The following CP variants were observed in gnomAD, a reference collection of about 807,000 sequenced individuals.
CP encodes caeruloplasmin.
A neutral mutation model predicts 122.4 loss-of-function variants in CP; 64 were observed. That is an observed-to-expected ratio of 0.52 (90% CI 0.43 to 0.64). The LOEUF is 0.64. CP is among the 30% of genes least tolerant of loss of function. CP has a pLI of 0.00. For synonymous variants in CP, 440 were observed against 436.4 expected, an observed-to-expected ratio of 1.01 and a Z score of -0.10; for missense variants, 1,167 against 1,284.4, an observed-to-expected ratio of 0.91 and a Z score of 1.40.
chr3:149,178,061 TTAATG>T (rs2108215283), intron 16 of CP, 82 bp from the exon 17 acceptor site: 1 of 1,298,546 alleles, frequency 7.7e-7, no homozygotes, highest in African/African-American at 1.5e-5. Context: ...GATTATTAGG[TTAATG>T]TAAAGAATCT....
chr3:149,215,706 G>A (rs531738574), intron 1 of CP, among the ~76,000 whole-genome samples: 2 of 152,312 alleles, frequency 1.3e-5, no homozygotes, highest in Middle Eastern at 3.4e-3. Flanking sequence ...AAGCTTGCAG[G>A]AAGTTTGCCA....
chr3:149,164,914 A>G (rs1724257827), intron 5 of CP, among the ~76,000 whole-genome samples: 1 of 152,050 alleles, frequency 6.6e-6, no homozygotes, highest in Non-Finnish European at 1.5e-5. Flanking sequence ...CCTCATTTAC[A>G]CTATGGGAAC....
downstream of CP, among the ~76,000 whole-genome samples, chr3:149,167,662 A>C (rs1351983701): frequency 1.3e-5 from 2 of 152,256 alleles, no homozygotes; most frequent in Admixed American, 6.5e-5. Flanking sequence ...AGCCATGTAC[A>C]TATGTACAAT....
At chr3:149,205,647 C>T (rs576749630) in intron 6 of CP, among the ~76,000 whole-genome samples, 1 of 152,086 alleles carries the variant, frequency 6.6e-6, no homozygotes, top group South Asian at 2.1e-4. Flanking sequence ...CACAAAAGAA[C>T]CAATATTGTA....
chr3:149,169,916 G>A (rs1724806980), downstream of CP, among the ~76,000 whole-genome samples: 4 of 152,120 alleles, frequency 2.6e-5, no homozygotes, highest in South Asian at 8.3e-4. Flanking sequence ...GATTTTAAGG[G>A]TACAGGTTTA....
intron 7 of CP, among the ~76,000 whole-genome samples, chr3:149,200,791 T>G (rs1727252084): frequency 6.6e-6 from 1 of 152,046 alleles, no homozygotes; most frequent in African/African-American, 2.4e-5. Context: ...AATACAGGCA[T>G]GAGCCACCGC....
chr3:149,167,726 G>A (rs1052547877), downstream of CP, among the ~76,000 whole-genome samples: 2 of 152,118 alleles, frequency 1.3e-5, no homozygotes, highest in Non-Finnish European at 2.9e-5. Flanking sequence ...TTATAGTTAA[G>A]GCAGAAGACT....
intron 5 of CP, chr3:149,163,770 T>A (rs1724125545): frequency 2.4e-6 from 2 of 823,990 alleles, no homozygotes; most frequent in Non-Finnish European, 4.2e-6. Flanking sequence ...ATGATTGCTT[T>A]GCTCTTTGTG....
At chr3:149,165,483 A>T (rs1356907119) in intron 5 of CP, among the ~76,000 whole-genome samples, 2 of 119,980 alleles carry the variant, frequency 1.7e-5, no homozygotes, top group African/African-American at 6.3e-5. Context: ...AAACTTTTAT[A>T]ATTTTTTTTT....
chr3:149,208,375 A>G lies in CP; in HGVS notation c.782-758T>C, dbSNP rs560533894. 3.4e-4 allele frequency among the ~76,000 whole-genome samples: 52 copies of G among 152,204 alleles called. 1 individual carries two copies. The highest frequency in any genetic ancestry group is 6.3e-3 in the Middle Eastern group (2 of 316). ...GCTAGAATTTTGAGTATCTTTTTAT[A>G]ACAACTATTTTTGTTAGTACACAAC... On this transcript the variant is annotated intron_variant, in intron 4 of 18. Transcript: ENST00000264613.
chr3:149,210,628 T>C (rs896066432), intron 2 of CP, among the ~76,000 whole-genome samples: 3 of 152,212 alleles, frequency 2.0e-5, no homozygotes, highest in Non-Finnish European at 4.4e-5. Context: ...ACTTTTTGTT[T>C]GCAATGTAAA....
At chr3:149,197,129 A>C (rs1726942389) in intron 9 of CP, among the ~76,000 whole-genome samples, 1 of 151,922 alleles carries the variant, frequency 6.6e-6, no homozygotes, top group South Asian at 2.1e-4. Context: ...AAATCCTATA[A>C]AACGGCCCCA....
chr3:149,179,739 C>T, intron 14 of CP, 77 bp from the exon 15 acceptor site: 2 of 885,932 alleles, frequency 2.3e-6, no homozygotes, highest in South Asian at 1.4e-5. Context: ...CACACACACA[C>T]ACACACACAC....
chr3:149,217,870 A>C (rs769050109), intron 1 of CP: 27 of 446,994 alleles, frequency 6.0e-5, no homozygotes, highest in South Asian at 4.4e-4. Context: ...GATTACCGTA[A>C]GGTGGAATGT....
At chr3:149,170,078 G>A (rs1724821888), downstream of CP, among the ~76,000 whole-genome samples, 1 of 152,014 alleles carries the variant, frequency 6.6e-6, no homozygotes, top group African/African-American at 2.4e-5. Flanking sequence ...GATGGGGCTT[G>A]GATTAAATAA....
At chr3:149,217,198 C>CGGTGGTATGTATGTAAAGG (rs1728517693) in intron 1 of CP, among the ~76,000 whole-genome samples, 1 of 151,946 alleles carries the variant, frequency 6.6e-6, no homozygotes, top group Non-Finnish European at 1.5e-5. Flanking sequence ...CACGCCCAGC[C>CGGTGGTATGTATGTAAAGG]CTATTGCTTG....
chr3:149,183,390 A>C, intron 13 of CP, 76 bp downstream of exon 13: 1 of 1,485,152 alleles, frequency 6.7e-7, no homozygotes, highest in Non-Finnish European at 9.3e-7. Context: ...TGAAACCCAT[A>C]GACATGAATT....
At chr3:149,181,734 G>T (rs1725789235) in intron 14 of CP, among the ~76,000 whole-genome samples, 1 of 152,142 alleles carries the variant, frequency 6.6e-6, no homozygotes, top group Admixed American at 6.5e-5. Flanking sequence ...TTCTAGCTGA[G>T]CGAGGAGACA....
chr3:149,193,881 T>C (rs941945908), intron 9 of CP, among the ~76,000 whole-genome samples: 2 of 152,238 alleles, frequency 1.3e-5, no homozygotes, highest in African/African-American at 4.8e-5. Context: ...TGTAGCCACA[T>C]GGCTAGTAAC....
Sources: gnomAD v4.1 joint callset for allele counts (sites outside exome capture counted in the v4.1 genomes callset) on GRCh38, gnomAD v4.1.1 for gene constraint, MANE v1.5 for transcripts, NCBI Gene and HGNC (gene_info 2026-07-23, HGNC 2026-07-21) for gene names.